NSUN6: variants seen among roughly 807,000 people sequenced by gnomAD.
NSUN6 encodes NOP2/Sun RNA methyltransferase 6, also known as tRNA (cytosine(72)-C(5))-methyltransferase NSUN6.
In NSUN6, 64 loss-of-function variants were observed where a neutral mutation model predicts 58.0. The ratio of observed to expected loss-of-function variants is 1.10; its 90% CI spans 0.90 to 1.36. The LOEUF (loss-of-function observed/expected upper bound fraction) is 1.36. Ranked by LOEUF, NSUN6 falls within the 40% of genes most tolerant of loss-of-function variation. The pLI is 0.00. For synonymous variants in NSUN6, 231 were observed against 193.9 expected (o/e 1.19, Z -1.59); for missense variants, 701 against 550.1 (o/e 1.27, Z -2.74).
upstream of NSUN6, chr10:18,658,722 G>T (rs2059805164): frequency 2.7e-5 from 24 of 883,850 alleles, no homozygotes; most frequent in Non-Finnish European, 3.3e-5. Context: ...TCACGACAGG[G>T]GCCGGGCGCG....
chr10:18,613,645 T>TA (rs1315510236), intron 5 of NSUN6, among the ~76,000 whole-genome samples: 4 of 152,312 alleles, frequency 2.6e-5, no homozygotes, highest in African/African-American at 9.6e-5. Flanking sequence ...CTAAAAAGAA[T>TA]AAAATCTTTG....
chr10:18,591,923 A>C (rs538107916), intron 7 of NSUN6, among the ~76,000 whole-genome samples: 19 of 152,288 alleles, frequency 1.2e-4, no homozygotes, highest in African/African-American at 4.6e-4. Context: ...AGAGGAAGTC[A>C]AGTTGTCTCT....
intron 9 of NSUN6, 73 bp downstream of exon 9, chr10:18,551,750 G>C: frequency 1.5e-6 from 2 of 1,305,944 alleles, no homozygotes; most frequent in Non-Finnish European, 2.2e-6. Context: ...CTGCTATGGA[G>C]ATTGCTGTCA....
At position 18,651,145 on chromosome 10, in the gene NSUN6, C is replaced by A. The variant is rs571307120; in HGVS notation, c.59G>T (p.Gly20Val). 1.0e-5 allele frequency: 16 copies of A among 1,576,054 alleles called. No individual in the cohort carries two copies. Among genetic ancestry groups the A allele is most frequent in the Middle Eastern group, 3.4e-4 (2 of 5,960 alleles). The change falls in exon 1 of 11, where the codon GGC (glycine) becomes GTC (valine). Residue 20 changes from glycine to valine, a missense_variant. Physicochemically the swap from Gly to Val is moderately radical, Grantham distance 109. Transcript: ENST00000377304. ...RPEVENYLKE[G>V]FMNKEIVTAL... ...TTGACCTACCTCCTTATTCATAAAG[C>A]CTTCCTTAAGATAGTTTTCAACCTC...
intron 8 of NSUN6, among the ~76,000 whole-genome samples, chr10:18,562,575 G>GAATGGAATGGGGATTGT (rs1409402733): frequency 3.3e-5 from 5 of 150,926 alleles, no homozygotes; most frequent in African/African-American, 9.8e-5. Context: ...GTGGAATAGA[G>GAATGGAATGGGGATTGT]AATGGAATGG....
At chr10:18,552,459 C>A (rs1311670613) in intron 8 of NSUN6, among the ~76,000 whole-genome samples, 1 of 152,132 alleles carries the variant, frequency 6.6e-6, no homozygotes. Context: ...GCCAGTACCA[C>A]CCCTAGATTC....
At chr10:18,634,598 C>CA (rs35289727) in intron 3 of NSUN6, among the ~76,000 whole-genome samples, 30,563 of 134,380 alleles carry the variant, frequency 0.23, 3,436 homozygotes, top group South Asian at 0.34. Flanking sequence ...AAAAAAAATA[C>CA]AAAAAAAAAA....
chr10:18,607,438 C>T (rs1055797604), intron 6 of NSUN6, among the ~76,000 whole-genome samples: 40 of 152,242 alleles, frequency 2.6e-4, no homozygotes, highest in African/African-American at 9.1e-4. Context: ...TTGAATTAAG[C>T]TATTTAGATT....
At chr10:18,645,765 T>G (rs576281511) in intron 2 of NSUN6, among the ~76,000 whole-genome samples, 1 of 152,318 alleles carries the variant, frequency 6.6e-6, no homozygotes, top group South Asian at 2.1e-4. Flanking sequence ...TGCTGGGTTT[T>G]AGAGTATGAT....
chr10:18,620,443 A>G (rs1365870359), intron 3 of NSUN6, among the ~76,000 whole-genome samples: 2 of 152,170 alleles, frequency 1.3e-5, no homozygotes, highest in Admixed American at 1.3e-4. Flanking sequence ...GTACAAAAAA[A>G]TCTTCATACT....
chr10:18,640,254 G>C (rs1446398874), intron 3 of NSUN6, among the ~76,000 whole-genome samples: 1 of 152,166 alleles, frequency 6.6e-6, no homozygotes, highest in Non-Finnish European at 1.5e-5. Context: ...CACAGAGACG[G>C]TCTATAAAAA....
chr10:18,634,145 G>T (rs910028065), intron 3 of NSUN6, among the ~76,000 whole-genome samples: 2 of 152,166 alleles, frequency 1.3e-5, no homozygotes, highest in Non-Finnish European at 2.9e-5. Context: ...GCAGAAGGCA[G>T]ATTTTAAAAA....
intron 8 of NSUN6, among the ~76,000 whole-genome samples, chr10:18,584,896 GA>G (rs996410361): frequency 5.3e-4 from 59 of 112,380 alleles, no homozygotes; most frequent in Middle Eastern, 5.1e-3. Context: ...AGTACAGAAA[GA>G]AAAAAAAAAA....
chr10:18,642,737 T>A (rs2059425737), intron 2 of NSUN6, among the ~76,000 whole-genome samples, 182 bp from the exon 3 acceptor site: 1 of 152,194 alleles, frequency 6.6e-6, no homozygotes, highest in South Asian at 2.1e-4. Context: ...TTTTCTCTAT[T>A]TTAATTCTGA....
intron 2 of NSUN6, among the ~76,000 whole-genome samples, chr10:18,643,155 C>T (rs1319499116): frequency 6.6e-6 from 1 of 151,762 alleles, no homozygotes; most frequent in East Asian, 1.9e-4. Flanking sequence ...TACCAGGGAA[C>T]ATGGTGAGTA....
chr10:18,621,223 C>T (rs1455635198), intron 3 of NSUN6, among the ~76,000 whole-genome samples: 1 of 152,216 alleles, frequency 6.6e-6, no homozygotes, highest in Admixed American at 6.5e-5. Flanking sequence ...GGCAGTGAGT[C>T]TCATGTGGTC....
intron 5 of NSUN6, among the ~76,000 whole-genome samples, chr10:18,612,260 A>C (rs1325502565): frequency 6.6e-6 from 1 of 152,118 alleles, no homozygotes; most frequent in Non-Finnish European, 1.5e-5. Context: ...TTCTATGAAA[A>C]AAAAATTAAA....
chr10:18,594,991 A>G (rs984053065), intron 7 of NSUN6, among the ~76,000 whole-genome samples: 3 of 152,184 alleles, frequency 2.0e-5, no homozygotes, highest in African/African-American at 7.2e-5. Context: ...GCCCCCAACT[A>G]CTGCCCTCTG....
At chr10:18,612,775 TA>T (rs1191479074) in intron 5 of NSUN6, among the ~76,000 whole-genome samples, 1 of 152,208 alleles carries the variant, frequency 6.6e-6, no homozygotes, top group Non-Finnish European at 1.5e-5. Context: ...CATGTTTCTT[TA>T]AAAAATACTT....
Sources: gnomAD v4.1 joint callset for allele counts (sites outside exome capture counted in the v4.1 genomes callset) on GRCh38, gnomAD v4.1.1 for gene constraint, MANE v1.5 for transcripts, NCBI Gene and HGNC (gene_info 2026-07-23, HGNC 2026-07-21) for gene names.